Variants in SNX19 observed in about 807,000 individuals in gnomAD.
SNX19 encodes the protein sorting nexin-19.
Under a neutral mutation model 85.2 loss-of-function variants are expected in SNX19, and 60 were observed. The ratio of observed to expected loss-of-function variants is 0.70; its 90% CI spans 0.57 to 0.87. The LOEUF (loss-of-function observed/expected upper bound fraction) is 0.87. SNX19 is among the 40% of genes least tolerant of loss of function. The probability of loss-of-function intolerance (pLI) is 0.00; values close to 1 mark genes in which losing one functional copy is unlikely to be tolerated. For missense variants in SNX19, 1,201 were observed against 1,217.8 expected (o/e 0.99, Z 0.21); for synonymous variants, 520 against 470.0 (o/e 1.11, Z -1.38).
At chr11:130,888,238 T>A (rs1944228898) in intron 8 of SNX19, among the ~76,000 whole-genome samples, 1 of 152,218 alleles carries the variant, frequency 6.6e-6, no homozygotes, top group East Asian at 1.9e-4. Flanking sequence ...TGTTTTTGAA[T>A]CTTAATTTTC....
At position 130,868,488 on chromosome 11, in the gene SNX19, C is replaced by T. The variant is rs1245044894; in HGVS notation, c.*9934G>A. The T allele has an allele frequency of 6.6e-6, 1 of 152,188 alleles. No individual in the cohort carries two copies. 9.4% of individuals were successfully genotyped at this position (152,188 alleles called of 1,614,324 possible). A position where few individuals can be genotyped will look rare whatever the true frequency, so the allele number is the denominator to read the frequency against. On this transcript the variant is annotated 3_prime_UTR_variant, in exon 11 of 11. Coordinates refer to ENST00000265909, the MANE Select transcript of SNX19 (RefSeq NM_014758.3). ...TGAGATGGGTCATAGTTAAGAGCTG[C>T]CAGCCTGGGGTCTGTTTCTGGGACA...
rs1946408377 is a variant in SNX19, at chr11:130,914,709, G to C, written c.1231C>G (p.Leu411Val). The C allele has an allele frequency of 6.2e-7, 1 of 1,614,000 alleles. No homozygotes were observed. Among genetic ancestry groups the C allele is most frequent in the African/African-American group, 1.3e-5 (1 of 75,006 alleles). The change falls in exon 1 of 11, where the codon CTG becomes GTG. Residue 411 changes from leucine (L) to valine (V), a missense_variant. By Grantham distance (32) the Leu-to-Val change is conservative (BLOSUM62 1). This residue lies in a region of SNX19 where 791 missense variants were observed against 750.9 expected (regional missense o/e 1.05). Transcript: ENST00000265909. ...ALCALESSQA[L>V]EPKDGEASEG... ...GATGCCTCACCATCTTTGGGTTCCA[G>C]AGCCTGGGAACTCTCTAGGGCACAC...
At chr11:130,889,268 T>C (rs1944320013) in intron 8 of SNX19, among the ~76,000 whole-genome samples, 2 of 152,130 alleles carry the variant, frequency 1.3e-5, no homozygotes, top group Non-Finnish European at 2.9e-5. Flanking sequence ...TAGAATCTGA[T>C]CGCAGTTAAC....
chr11:130,897,719 C>A (rs1944974703), intron 8 of SNX19, among the ~76,000 whole-genome samples: 1 of 152,196 alleles, frequency 6.6e-6, no homozygotes, highest in African/African-American at 2.4e-5. Context: ...CTCCTCTTTC[C>A]CTCCAACCCA....
chr11:130,906,230 C>G (rs1180572382), intron 6 of SNX19, 97 bp from the exon 7 acceptor site: 1 of 1,281,598 alleles, frequency 7.8e-7, no homozygotes, highest in Non-Finnish European at 1.1e-6. Context: ...TGCATAAGTA[C>G]CTTGGGTATA....
At chr11:130,907,919 G>A in intron 5 of SNX19, 34 bp downstream of exon 5, 3 of 1,610,562 alleles carry the variant, frequency 1.9e-6, no homozygotes, top group Non-Finnish European at 2.5e-6. Context: ...TTGAGAACTG[G>A]GGAAAGGTCC....
At chr11:130,895,780 A>T (rs77383513) in intron 8 of SNX19, among the ~76,000 whole-genome samples, 11,520 of 152,296 alleles carry the variant, frequency 0.076, 519 homozygotes, top group African/African-American at 0.11. Context: ...ACCTGCTACA[A>T]TCTCAAAGAT....
chr11:130,887,811 A>G (rs1346682997), intron 8 of SNX19, among the ~76,000 whole-genome samples: 1 of 152,178 alleles, frequency 6.6e-6, no homozygotes, highest in African/African-American at 2.4e-5. Flanking sequence ...AAGACACTCA[A>G]TAAATGTCTG....
intron 8 of SNX19, among the ~76,000 whole-genome samples, chr11:130,891,014 G>A (rs904010862): frequency 6.6e-6 from 1 of 151,490 alleles, no homozygotes; most frequent in East Asian, 1.9e-4. Flanking sequence ...TTAAAGCATG[G>A]CACACAGTTC....
At chr11:130,893,290 T>G (rs1944628068) in intron 8 of SNX19, among the ~76,000 whole-genome samples, 3 of 152,124 alleles carry the variant, frequency 2.0e-5, no homozygotes, top group East Asian at 1.9e-4. Flanking sequence ...CAGCCATGAT[T>G]TGGAAGAAAA....
chr11:130,894,829 C>T, intron 8 of SNX19: 1 of 985,450 alleles, frequency 1.0e-6, no homozygotes, highest in Non-Finnish European at 1.2e-6. Context: ...TGACACCTAT[C>T]TCACAAGATC....
chr11:130,870,765 A>C lies in SNX19; in HGVS notation c.*7657T>G, dbSNP rs755295014. ...TGCCTCTTAAATAAACATAATCTTT[A>C]ATTAAGTAAACTTTAATATTTATTT... On this transcript the variant is annotated 3_prime_UTR_variant, in exon 11 of 11. Transcript: ENST00000265909. 6.6e-6 allele frequency among the ~76,000 whole-genome samples: 1 copy of C among 151,868 alleles called. No homozygotes were observed. Among genetic ancestry groups the C allele is most frequent in the Admixed American group, 6.6e-5 (1 of 15,260 alleles).
intron 10 of SNX19, 68 bp from the exon 11 acceptor site, chr11:130,878,622 T>G (rs1943420693): frequency 6.5e-7 from 1 of 1,546,318 alleles, no homozygotes; most frequent in Admixed American, 1.9e-5. Context: ...GTTTATGACA[T>G]TTATTTTCTC....
chr11:130,878,351 G>T lies in SNX19; in HGVS notation c.*71C>A. The T allele has an allele frequency of 6.4e-7, 1 of 1,554,230 alleles. No individual in the cohort carries two copies. Among genetic ancestry groups the T allele is most frequent in the Non-Finnish European group, 8.7e-7 (1 of 1,144,804 alleles). On this transcript the variant is annotated 3_prime_UTR_variant, in exon 11 of 11. Coordinates refer to ENST00000265909, the MANE Select transcript of SNX19 (RefSeq NM_014758.3). ...TGTAGCCTACTTGAAGAGGGCACGG[G>T]CTTCCTGACTGGTCTCTGGTGGCCG...
At chr11:130,879,820 A>G (rs2282528) in intron 9 of SNX19, 109 bp from the exon 10 acceptor site, 720,699 of 936,476 alleles carry the variant, frequency 0.77, 278,395 homozygotes, top group African/African-American at 0.92. Flanking sequence ...TAGGTATTTC[A>G]GGCCTACCTC....
At chr11:130,903,694 T>C (rs1945428524) in intron 7 of SNX19, among the ~76,000 whole-genome samples, 2 of 138,158 alleles carry the variant, frequency 1.4e-5, no homozygotes, top group South Asian at 4.7e-4. Flanking sequence ...TGTGTATATA[T>C]ACATATATAT....
rs76766347 is a variant in SNX19, at chr11:130,916,164, C to A, written c.-225G>T. ...ACAGAGCCCTCCAACTCGCCCCTTC[C>A]AGCTGAGGTGTGGCTTTGGAGGAAA... On this transcript the variant is annotated 5_prime_UTR_variant, in exon 1 of 11. Transcript: ENST00000265909. The A allele has an allele frequency of 2.6e-3, 1,512 of 572,478 alleles. 16 individuals carry two copies. The highest frequency in any genetic ancestry group is 0.026 in the African/African-American group (1,379 of 53,576). 35.5% of individuals were successfully genotyped at this position (572,478 alleles called of 1,614,324 possible).
intron 8 of SNX19, among the ~76,000 whole-genome samples, chr11:130,897,440 C>T (rs529367467): frequency 6.6e-5 from 10 of 152,234 alleles, no homozygotes; most frequent in African/African-American, 2.2e-4. Flanking sequence ...ACGCAGATGC[C>T]AGGAATGTGT....
rs1377522352 is a variant in SNX19, at chr11:130,867,612, G to A, written c.*10810C>T. The stretch of plus-strand genomic sequence containing the variant: ...TATTCCTTTCAAGAAGAGAATCCCC[G>A]GGTTTCTTTCCTTTCTTCCTTCCTT... On this transcript the variant is annotated 3_prime_UTR_variant, in exon 11 of 11. Transcript: ENST00000265909. The A allele has an allele frequency of 1.3e-5, 2 of 152,122 alleles. No homozygotes were observed. The highest frequency in any genetic ancestry group is 6.6e-5 in the Admixed American group (1 of 15,260). The allele number at this position is 152,122 out of a possible 1,614,324, so 9.4% of individuals were successfully genotyped here. A position where few individuals can be genotyped will look rare whatever the true frequency, so the allele number is the denominator to read the frequency against.
Sources: allele counts gnomAD v4.1 joint callset (sites outside exome capture counted in the v4.1 genomes callset), GRCh38; gene constraint gnomAD v4.1.1; regional missense constraint gnomAD v4.1.1; transcripts MANE v1.5; gene names NCBI Gene and HGNC (gene_info 2026-07-23, HGNC 2026-07-21).